The following BRWD1 variants were observed in gnomAD, a reference collection of about 807,000 sequenced individuals.
BRWD1 encodes the protein bromodomain and WD repeat domain containing 1.
BRWD1 carries 82 observed loss-of-function variants against 251.2 expected under a neutral mutation model. The ratio of observed to expected loss-of-function variants is 0.33; its 90% CI spans 0.27 to 0.39. The LOEUF is 0.39. BRWD1 is among the 10% of genes least tolerant of loss of function. The pLI is 1.00. For synonymous variants in BRWD1, 918 were observed against 902.8 expected, an observed-to-expected ratio of 1.02 and a Z score of -0.30; for missense variants, 2,233 against 2,711.6, an observed-to-expected ratio of 0.82 and a Z score of 3.92.
chr21:39,254,351 T>C (rs2034494326), intron 19 of BRWD1, among the ~76,000 whole-genome samples: 1 of 152,236 alleles, frequency 6.6e-6, no homozygotes, highest in African/African-American at 2.4e-5. Flanking sequence ...AGATGAACTA[T>C]AATATCTTCC....
At chr21:39,213,321 CATAA>C (rs1284685744) in intron 33 of BRWD1, among the ~76,000 whole-genome samples, 156 bp downstream of exon 33, 2 of 152,174 alleles carry the variant, frequency 1.3e-5, no homozygotes, top group Non-Finnish European at 2.9e-5. Flanking sequence ...CAAATTACCT[CATAA>C]ATCATCTAGA....
chr21:39,236,558 A>G (rs1464843856), intron 23 of BRWD1, 37 bp downstream of exon 23: 1 of 1,477,696 alleles, frequency 6.8e-7, no homozygotes, highest in Non-Finnish European at 9.2e-7. Context: ...CTGGGGTATC[A>G]TGATACATGC....
chr21:39,274,352 A>G (rs199986905), intron 13 of BRWD1, 22 bp downstream of exon 13: 13 of 1,564,238 alleles, frequency 8.3e-6, no homozygotes, highest in Non-Finnish European at 1.1e-5. Flanking sequence ...TGATGCACCT[A>G]CTTCTAACAA....
intron 12 of BRWD1, among the ~76,000 whole-genome samples, chr21:39,275,142 TCTTA>T (rs562705346): frequency 9.2e-5 from 14 of 152,136 alleles, no homozygotes; most frequent in African/African-American, 1.2e-4. Flanking sequence ...ATTTTAAACA[TCTTA>T]CTTGTTAATT....
At position 39,210,768 on chromosome 21, in the gene BRWD1, TA is replaced by T; in HGVS notation, c.4044+17del. 1 of 1,593,402 alleles carries T rather than the reference TA, an allele frequency of 6.3e-7. No homozygotes were observed. Among genetic ancestry groups the T allele is most frequent in the Non-Finnish European group, 8.5e-7 (1 of 1,173,454 alleles). ...CAAAACAAGAAAAGCCCCAAACATT[TA>T]AACAATGGAAACTTACTGGATATTC... On this transcript the variant is annotated intron_variant, in intron 35 of 40. Coordinates refer to ENST00000342449, the MANE Select transcript of BRWD1 (RefSeq NM_033656.4).
intron 39 of BRWD1, among the ~76,000 whole-genome samples, chr21:39,199,934 T>C (rs1418871311): frequency 6.6e-6 from 1 of 152,144 alleles, no homozygotes; most frequent in Non-Finnish European, 1.5e-5. Flanking sequence ...GTATTTTTAG[T>C]AGAGACAAGG....
At chr21:39,259,539 C>A (rs1472543920) in intron 17 of BRWD1, among the ~76,000 whole-genome samples, 1 of 152,134 alleles carries the variant, frequency 6.6e-6, no homozygotes, top group Non-Finnish European at 1.5e-5. Flanking sequence ...ACCTCATGAT[C>A]CACCCACCTC....
At chr21:39,213,647 C>T (rs1228218034) in intron 32 of BRWD1, 94 bp from the exon 33 acceptor site, 1 of 694,854 alleles carries the variant, frequency 1.4e-6, no homozygotes, top group Non-Finnish European at 2.3e-6. Context: ...AGTTCACCAA[C>T]CTATACGTGC....
Position 39,187,502 on chromosome 21 carries a change from A to C in BRWD1, c.*8757T>G. The C allele has an allele frequency of 6.9e-7, 1 of 1,453,266 alleles. No individual in the cohort carries two copies. Among genetic ancestry groups the C allele is most frequent in the Non-Finnish European group, 9.0e-7 (1 of 1,105,054 alleles). 90.0% of individuals were successfully genotyped at this position (1,453,266 alleles called of 1,614,324 possible). A position where few individuals can be genotyped will look rare whatever the true frequency, so the allele number is the denominator to read the frequency against. The stretch of plus-strand genomic sequence containing the variant: ...CTGCTAACATTCCTCAACAACACTC[A>C]TTCGGAAACAATAAATTTAAAAGTC... On this transcript the variant is annotated 3_prime_UTR_variant, in exon 41 of 41. Transcript: ENST00000342449.
chr21:39,233,774 C>T (rs530583126), intron 23 of BRWD1, among the ~76,000 whole-genome samples: 81 of 152,348 alleles, frequency 5.3e-4, no homozygotes, highest in Non-Finnish European at 1.0e-3. Context: ...AATCCCAGCA[C>T]TCTGGGAGGC....
At chr21:39,286,658 G>T (rs374009105) in intron 8 of BRWD1, among the ~76,000 whole-genome samples, 84 of 152,006 alleles carry the variant, frequency 5.5e-4, no homozygotes, top group African/African-American at 2.0e-3. Context: ...GGGATTACAG[G>T]TGCCCGCCAC....
chr21:39,288,059 T>C (rs1290360127), intron 8 of BRWD1, among the ~76,000 whole-genome samples: 3 of 152,162 alleles, frequency 2.0e-5, no homozygotes, highest in African/African-American at 7.2e-5. Flanking sequence ...GATGTCGACC[T>C]GAGCCACAGT....
intron 31 of BRWD1, 77 bp from the exon 32 acceptor site, chr21:39,215,439 T>A: frequency 8.1e-7 from 1 of 1,240,690 alleles, no homozygotes. Flanking sequence ...AGCATGTGAA[T>A]TAAACAACTG....
chr21:39,310,509 C>T (rs2036444703), intron 4 of BRWD1, among the ~76,000 whole-genome samples: 1 of 152,140 alleles, frequency 6.6e-6, no homozygotes, highest in Non-Finnish European at 1.5e-5. Context: ...TGCCTGTAAT[C>T]CCAGCTACTG....
chr21:39,317,255 A>G (rs918068440), upstream of BRWD1: 6 of 152,236 alleles, frequency 3.9e-5, no homozygotes, highest in African/African-American at 1.4e-4. Flanking sequence ...CAGCCATTCC[A>G]TATGTACACA....
chr21:39,292,223 G>A (rs2035837684), intron 8 of BRWD1, among the ~76,000 whole-genome samples: 1 of 151,286 alleles, frequency 6.6e-6, no homozygotes, highest in African/African-American at 2.4e-5. Flanking sequence ...AAAGTGCTGG[G>A]ATTATAGGCA....
Position 39,193,883 on chromosome 21 carries a change from G to A in BRWD1, c.*2376C>T, listed in dbSNP as rs545378015. The A allele has an allele frequency of 1.4e-3, 1,347 of 985,360 alleles. 2 individuals are homozygous for A. Among genetic ancestry groups the A allele is most frequent in the Non-Finnish European group, 1.6e-3 (1,316 of 829,588 alleles). The allele number at this position is 985,360 out of a possible 1,614,324, so 61.0% of individuals were successfully genotyped here. On this transcript the variant is annotated 3_prime_UTR_variant, in exon 41 of 41. Transcript: ENST00000342449. Reference sequence around the variant, plus strand: ...TCCTTAAAGGTACTTAGGAGTGTGTGTGTCACATATTCAAAGTTAACCTTA... The same window carrying A: ...TCCTTAAAGGTACTTAGGAGTGTGTATGTCACATATTCAAAGTTAACCTTA...
upstream of BRWD1, among the ~76,000 whole-genome samples, chr21:39,315,504 C>T (rs923773426): frequency 6.6e-6 from 1 of 151,900 alleles, no homozygotes; most frequent in Non-Finnish European, 1.5e-5. Context: ...TGTGGCAGTG[C>T]GCGCCTCTAG....
At chr21:39,255,032 G>C (rs143516092) in intron 19 of BRWD1, among the ~76,000 whole-genome samples, 2 of 151,978 alleles carry the variant, frequency 1.3e-5, no homozygotes, top group African/African-American at 2.4e-5. Flanking sequence ...ACACTTATAC[G>C]CTTATGGACA....
Sources: gnomAD v4.1 joint callset for allele counts (sites outside exome capture counted in the v4.1 genomes callset) on GRCh38, gnomAD v4.1.1 for gene constraint, MANE v1.5 for transcripts, NCBI Gene and HGNC (gene_info 2026-07-23, HGNC 2026-07-21) for gene names.